The following PLCB4 variants were observed in gnomAD, a reference collection of about 807,000 sequenced individuals.
PLCB4 encodes phospholipase C beta 4.
A neutral mutation model predicts 178.8 loss-of-function variants in PLCB4; 77 were observed. The observed-to-expected ratio is 0.43, with a 90% CI of 0.36 to 0.52. The LOEUF (loss-of-function observed/expected upper bound fraction) is 0.52, where lower values mean the gene tolerates loss of function less well. Ranked by LOEUF, PLCB4 falls within the 20% of genes least tolerant of loss-of-function variation. PLCB4 has a pLI of 0.00. For synonymous variants in PLCB4, 496 were observed against 490.8 expected, an observed-to-expected ratio of 1.01 and a Z score of -0.14; for missense variants, 1,024 against 1,453.4, an observed-to-expected ratio of 0.70 and a Z score of 4.80.
intron 4 of PLCB4, among the ~76,000 whole-genome samples, chr20:9,324,260 T>C (rs533609026): frequency 6.6e-6 from 1 of 151,964 alleles, no homozygotes; most frequent in East Asian, 1.9e-4. Context: ...ACCCTGTCTC[T>C]ACTAAAAATA....
chr20:9,405,331 C>T lies in PLCB4; in HGVS notation c.1630C>T (p.His544Tyr). ...TAATTAGGCTTCAGATGACCTTGAA[C>T]ATGAAAACAACAAAAAGGTAACAAA... ...SVKKASDDLEHENNKKGLVTV... is the reference protein window; with the variant it reads ...SVKKASDDLEYENNKKGLVTV... The change falls in exon 21 of 40, where the codon CAT becomes TAT. Residue 544 changes from histidine (H) to tyrosine (Y), a missense_variant. Transcript: ENST00000378473. 6.5e-7 allele frequency: 1 copy of T among 1,546,604 alleles called. No individual in the cohort carries two copies. Among genetic ancestry groups the T allele is most frequent in the Non-Finnish European group, 8.8e-7 (1 of 1,137,564 alleles).
At chr20:9,245,826 G>A (rs538951734) in intron 3 of PLCB4, among the ~76,000 whole-genome samples, 47 of 152,058 alleles carry the variant, frequency 3.1e-4, no homozygotes, top group Admixed American at 3.3e-4. Flanking sequence ...TAAAGACAGG[G>A]TTTCACTATA....
intron 2 of PLCB4, among the ~76,000 whole-genome samples, chr20:9,136,731 GCTCTTTC>G (rs1211931631): frequency 6.6e-6 from 1 of 152,028 alleles, no homozygotes; most frequent in Admixed American, 6.6e-5. Context: ...CCTTGTCTTT[GCTCTTTC>G]CTCTTTCCAT....
chr20:9,128,206 C>A (rs1396134738), intron 2 of PLCB4, among the ~76,000 whole-genome samples: 4 of 151,614 alleles, frequency 2.6e-5, no homozygotes, highest in African/African-American at 4.8e-5. Flanking sequence ...GTCCCCTCTT[C>A]TCTCTCTCTC....
At chr20:9,268,711 G>A (rs369232151) in intron 3 of PLCB4, among the ~76,000 whole-genome samples, 7 of 152,182 alleles carry the variant, frequency 4.6e-5, no homozygotes, top group African/African-American at 1.7e-4. Flanking sequence ...GGTGTTAAGA[G>A]ACAAAGACTA....
At chr20:9,371,419 A>G (rs2036243565) in intron 10 of PLCB4, 124 bp downstream of exon 10, 2 of 495,712 alleles carry the variant, frequency 4.0e-6, no homozygotes, top group African/African-American at 2.0e-5. Flanking sequence ...TGTCAGTGAC[A>G]TATAGTACAG....
intron 2 of PLCB4, among the ~76,000 whole-genome samples, chr20:9,201,925 G>A (rs2093552069): frequency 1.3e-5 from 2 of 152,150 alleles, no homozygotes; most frequent in Admixed American, 1.3e-4. Context: ...ACCAAAATCT[G>A]TACACTAGTG....
intron 34 of PLCB4, among the ~76,000 whole-genome samples, chr20:9,459,381 G>T (rs995788827): frequency 1.3e-5 from 2 of 152,178 alleles, no homozygotes; most frequent in South Asian, 4.1e-4. Context: ...AAAACAGAGT[G>T]TTGCTAAGTG....
intron 17 of PLCB4, among the ~76,000 whole-genome samples, chr20:9,391,442 T>C (rs2038135126): frequency 6.6e-6 from 1 of 152,130 alleles, no homozygotes; most frequent in Admixed American, 6.5e-5. Flanking sequence ...GGCTCAAACC[T>C]GGTAGCATGA....
Position 9,479,032 on chromosome 20 carries a change from A to T in PLCB4, c.*23A>T. The T allele has an allele frequency of 6.5e-7, 1 of 1,548,074 alleles. No individual in the cohort carries two copies. Among genetic ancestry groups the T allele is most frequent in the Non-Finnish European group, 8.9e-7 (1 of 1,121,080 alleles). ...TGAAGCAGCAAACCCACAAAGCATC[A>T]AAAGACTCACTCACAAACTTCTGAA... On this transcript the variant is annotated 3_prime_UTR_variant, in exon 40 of 40. Transcript: ENST00000378473.
intron 7 of PLCB4, among the ~76,000 whole-genome samples, chr20:9,344,209 G>T (rs1376331299): frequency 6.6e-6 from 1 of 151,974 alleles, no homozygotes; most frequent in Non-Finnish European, 1.5e-5. Flanking sequence ...CTTGGCATTT[G>T]CTGTTCCTTC....
At chr20:9,320,274 C>A (rs1048554799) in intron 4 of PLCB4, among the ~76,000 whole-genome samples, 1 of 152,174 alleles carries the variant, frequency 6.6e-6, no homozygotes, top group South Asian at 2.1e-4. Context: ...AGGGTAACTT[C>A]CGGACATTGC....
rs750717023 is a variant in PLCB4 at position 9,435,660 on chromosome 20, T to C, written c.2613+12T>C. ...TGGGCATTGAAACTGTAAGTAGAAA[T>C]GGTTGATTAAAGGTGGCCAAGTTGT... On this transcript the variant is annotated intron_variant, in intron 29 of 39. Transcript: ENST00000378473. The C allele has an allele frequency of 2.9e-5, 43 of 1,505,906 alleles. 1 individual carries two copies. The Admixed American group carries it at 7.3e-4, about 25-fold the overall frequency. The allele number at this position is 1,505,906 out of a possible 1,614,324, so 93.3% of individuals were successfully genotyped here.
chr20:9,342,920 A>G (rs1029103257), intron 7 of PLCB4, among the ~76,000 whole-genome samples: 1 of 152,190 alleles, frequency 6.6e-6, no homozygotes, highest in African/African-American at 2.4e-5. Context: ...TCTTTCCACA[A>G]GATCGTGTCA....
intron 2 of PLCB4, among the ~76,000 whole-genome samples, chr20:9,162,650 A>T (rs1334168843): frequency 6.6e-6 from 1 of 152,190 alleles, no homozygotes; most frequent in Non-Finnish European, 1.5e-5. Flanking sequence ...TGTTTCCTAG[A>T]ATGTACAACA....
At chr20:9,160,804 G>T (rs2092875972) in intron 2 of PLCB4, among the ~76,000 whole-genome samples, 2 of 152,136 alleles carry the variant, frequency 1.3e-5, no homozygotes, top group African/African-American at 4.8e-5. Flanking sequence ...TGGACTTCGG[G>T]TTTGGAGGAT....
intron 3 of PLCB4, among the ~76,000 whole-genome samples, chr20:9,247,738 AC>A (rs1307238940): frequency 3.9e-5 from 6 of 152,146 alleles, no homozygotes; most frequent in African/African-American, 1.2e-4. Context: ...AATTATGTAA[AC>A]ATAGATTTCC....
At chr20:9,425,543 G>A (rs1011208273) in intron 28 of PLCB4, among the ~76,000 whole-genome samples, 3 of 152,250 alleles carry the variant, frequency 2.0e-5, no homozygotes, top group Admixed American at 6.5e-5. Context: ...TGTAAGCATA[G>A]GGAGATCTGT....
At chr20:9,121,382 C>T (rs2091958756) in intron 2 of PLCB4, among the ~76,000 whole-genome samples, 1 of 152,144 alleles carries the variant, frequency 6.6e-6, no homozygotes, top group African/African-American at 2.4e-5. Flanking sequence ...GCTTACGTGT[C>T]GTCCCACCTG....
Sources: allele counts gnomAD v4.1 joint callset (sites outside exome capture counted in the v4.1 genomes callset), GRCh38; gene constraint gnomAD v4.1.1; transcripts MANE v1.5; gene names NCBI Gene and HGNC (gene_info 2026-07-23, HGNC 2026-07-21).